The following DOCK2 variants were observed in gnomAD, a reference collection of about 807,000 sequenced individuals.
The protein encoded by DOCK2 is dedicator of cytokinesis 2, also known as dedicator of cytokinesis protein 2.
Under a neutral mutation model 248.9 loss-of-function variants are expected in DOCK2, and 87 were observed. The ratio of observed to expected loss-of-function variants is 0.35; its 90% confidence interval spans 0.29 to 0.42. The LOEUF is 0.42. DOCK2 is among the 10% of genes least tolerant of loss of function. The pLI, the probability that DOCK2 is intolerant of heterozygous loss-of-function variation, is 1.00. For synonymous variants in DOCK2, 805 were observed against 821.6 expected (o/e 0.98, Z 0.35); for missense variants, 1,747 against 2,300.2 (o/e 0.76, Z 4.92).
chr5:170,027,735 C>T, intron 33 of DOCK2, 128 bp from the exon 34 acceptor site: 1 of 830,502 alleles, frequency 1.2e-6, no homozygotes, highest in Non-Finnish European at 1.9e-6. Flanking sequence ...TTTTGCATTC[C>T]CAGATCCCAG....
chr5:169,643,109 C>G (rs1757241997), intron 1 of DOCK2, among the ~76,000 whole-genome samples: 1 of 152,292 alleles, frequency 6.6e-6, no homozygotes, highest in Non-Finnish European at 1.5e-5. Flanking sequence ...TCCTTTCTTC[C>G]CCCTTCCCTT....
chr5:169,706,306 A>T (rs1761261515), intron 14 of DOCK2, among the ~76,000 whole-genome samples: 1 of 152,250 alleles, frequency 6.6e-6, no homozygotes, highest in Non-Finnish European at 1.5e-5. Context: ...AGAAACTCTA[A>T]GCCCATAAAT....
rs896068188 is a variant in DOCK2 at position 169,938,271 on chromosome 5, G to C, written c.2800-44797G>C. 2.0e-5 allele frequency among the ~76,000 whole-genome samples: 3 copies of C among 148,120 alleles called. No individual in the cohort carries two copies. In the East Asian group the frequency reaches 5.9e-4, roughly 29 times the overall value. ...AAAGTAAATGTGTTCTTCCTGGGAT[G>C]TCCGTGTCCAAACACAGTCACACAT... On this transcript the variant is annotated intron_variant, in intron 27 of 51. Transcript: ENST00000520908.
At chr5:170,012,019 T>C (rs950983291) in intron 32 of DOCK2, among the ~76,000 whole-genome samples, 2 of 152,196 alleles carry the variant, frequency 1.3e-5, no homozygotes, top group African/African-American at 4.8e-5. Context: ...CATCATCTAA[T>C]TCAACCCTGC....
At chr5:169,821,309 C>CAT (rs201727784) in intron 26 of DOCK2, among the ~76,000 whole-genome samples, 4,181 of 152,170 alleles carry the variant, frequency 0.027, 110 homozygotes, top group African/African-American at 0.071. Context: ...CTCCAAGACA[C>CAT]ATAATTGTCA....
chr5:169,711,986 C>T lies in DOCK2; in HGVS notation c.1534C>T (p.Arg512Ter), dbSNP rs1383416891. The T allele has an allele frequency of 6.2e-7, 1 of 1,614,066 alleles. No individual in the cohort carries two copies. Among genetic ancestry groups the T allele is most frequent in the African/African-American group, 1.3e-5 (1 of 75,026 alleles). ...GAGGATCCATCTGCGATTCATGTTT[C>T]GACATCGGTCATCTCTGGAATGTGA... ...MQRIHLRFMFRHRSSLESKDK... is the reference protein window; with the variant it reads ...MQRIHLRFMF Residue 512 changes from arginine (R) to a stop codon, truncating the protein, a stop_gained, in exon 16 of 52, where the codon CGA becomes TGA. Coordinates refer to ENST00000520908, the MANE Select transcript of DOCK2 (RefSeq NM_004946.3). LOFTEE classifies it high-confidence loss of function.
chr5:169,729,034 C>T (rs914856260), intron 22 of DOCK2, among the ~76,000 whole-genome samples: 1 of 152,174 alleles, frequency 6.6e-6, no homozygotes, highest in African/African-American at 2.4e-5. Context: ...TGAACCCTTG[C>T]CTGAGAGCAA....
At chr5:169,994,367 T>C (rs1778282576) in intron 29 of DOCK2, among the ~76,000 whole-genome samples, 1 of 152,226 alleles carries the variant, frequency 6.6e-6, no homozygotes. Context: ...CCATGATGAA[T>C]GTTGGGAAAG....
chr5:169,783,744 T>G (rs971883137), intron 25 of DOCK2, among the ~76,000 whole-genome samples: 7 of 152,186 alleles, frequency 4.6e-5, no homozygotes, highest in Non-Finnish European at 1.0e-4. Flanking sequence ...ACTAGTTACT[T>G]TTAATAATTT....
At chr5:169,782,503 T>G (rs958307474) in intron 25 of DOCK2, among the ~76,000 whole-genome samples, 2 of 129,972 alleles carry the variant, frequency 1.5e-5, no homozygotes, top group African/African-American at 6.3e-5. Context: ...CTCCTTAGTT[T>G]TTTTTTTTTT....
chr5:170,003,427 A>T (rs891127956), intron 30 of DOCK2, among the ~76,000 whole-genome samples: 2 of 152,276 alleles, frequency 1.3e-5, no homozygotes, highest in Admixed American at 6.5e-5. Flanking sequence ...GCACAAGGCC[A>T]GGTGCAGAAC....
intron 1 of DOCK2, among the ~76,000 whole-genome samples, chr5:169,651,290 C>G (rs1757792029): frequency 6.6e-6 from 1 of 152,182 alleles, no homozygotes; most frequent in Non-Finnish European, 1.5e-5. Context: ...AATTAAGTGC[C>G]AAAGTCAGTT....
chr5:169,892,592 A>G (rs1773361323), intron 27 of DOCK2, among the ~76,000 whole-genome samples: 1 of 152,232 alleles, frequency 6.6e-6, no homozygotes, highest in Non-Finnish European at 1.5e-5. Context: ...TGGGCAAGCC[A>G]CTAATGCTAT....
chr5:169,824,250 T>G (rs1451807877), intron 26 of DOCK2, among the ~76,000 whole-genome samples: 1 of 152,174 alleles, frequency 6.6e-6, no homozygotes, highest in Non-Finnish European at 1.5e-5. Context: ...ATGACTTTCT[T>G]CACAGAATTG....
intron 27 of DOCK2, among the ~76,000 whole-genome samples, chr5:169,973,095 G>A (rs1328117361): frequency 2.6e-5 from 4 of 152,186 alleles, no homozygotes. Context: ...GGAAAACGAG[G>A]TAAACTGAAG....
intron 9 of DOCK2, among the ~76,000 whole-genome samples, chr5:169,693,144 A>C (rs1760405001): frequency 6.6e-6 from 1 of 152,114 alleles, no homozygotes; most frequent in Non-Finnish European, 1.5e-5. Flanking sequence ...TGAGGAGAGA[A>C]GGTATTAGGG....
At chr5:169,808,171 T>C (rs534051527) in intron 26 of DOCK2, among the ~76,000 whole-genome samples, 1 of 152,282 alleles carries the variant, frequency 6.6e-6, no homozygotes, top group African/African-American at 2.4e-5. Flanking sequence ...GTTGGCATCA[T>C]GGAACAACCC....
chr5:169,753,899 A>G (rs907247543), intron 23 of DOCK2, among the ~76,000 whole-genome samples: 7 of 152,178 alleles, frequency 4.6e-5, no homozygotes, highest in African/African-American at 1.7e-4. Context: ...TCGTTTTTCC[A>G]GTTTCTATGG....
intron 26 of DOCK2, among the ~76,000 whole-genome samples, chr5:169,808,366 G>C (rs1173795451): frequency 6.6e-6 from 1 of 152,050 alleles, no homozygotes; most frequent in East Asian, 1.9e-4. Context: ...TCATTGTTTG[G>C]GTAATTACAG....
Sources: allele counts gnomAD v4.1 joint callset (sites outside exome capture counted in the v4.1 genomes callset), GRCh38; gene constraint gnomAD v4.1.1; transcripts MANE v1.5; gene names NCBI Gene and HGNC (gene_info 2026-07-23, HGNC 2026-07-21).